GABRG3: variants seen among roughly 807,000 people sequenced by gnomAD.
GABRG3 encodes the protein gamma-aminobutyric acid type A receptor subunit gamma3, also known as gamma-aminobutyric acid receptor subunit gamma-3.
Under a neutral mutation model 48.8 loss-of-function variants are expected in GABRG3, and 25 were observed. The ratio of observed to expected loss-of-function variants is 0.51; its 90% CI spans 0.37 to 0.72. The LOEUF (loss-of-function observed/expected upper bound fraction) is 0.72. Ranked by LOEUF, GABRG3 falls within the 30% of genes least tolerant of loss-of-function variation. The probability of loss-of-function intolerance (pLI) is 0.00; values close to 1 mark genes in which losing one functional copy is unlikely to be tolerated. For missense variants in GABRG3, 394 were observed against 577.9 expected (o/e 0.68, Z 3.26); for synonymous variants, 227 against 217.6 (o/e 1.04, Z -0.38).
intron 6 of GABRG3, among the ~76,000 whole-genome samples, chr15:27,518,211 A>AAAAAAAAAAAAAAAAAAAC (rs1891071882): frequency 6.7e-6 from 1 of 148,706 alleles, no homozygotes; most frequent in African/African-American, 2.6e-5. Flanking sequence ...AAAAAAAAAA[A>AAAAAAAAAAAAAAAAAAAC]AAAAAGAATT....
chr15:27,410,845 CGTGTGTGTGTGTGTGT>C (rs61423614), intron 5 of GABRG3, among the ~76,000 whole-genome samples: 29 of 143,630 alleles, frequency 2.0e-4, no homozygotes, highest in African/African-American at 3.1e-4. Flanking sequence ...TGCGCACGCT[CGTGTGTGTGTGTGTGT>C]GTGTGTGTGT....
At chr15:27,266,341 T>A (rs1890922092) in intron 3 of GABRG3, among the ~76,000 whole-genome samples, 1 of 152,232 alleles carries the variant, frequency 6.6e-6, no homozygotes, top group Admixed American at 6.5e-5. Flanking sequence ...AAGATTATCT[T>A]CTGCATTGGT....
chr15:27,120,271 C>T (rs949312991), intron 3 of GABRG3, among the ~76,000 whole-genome samples: 1 of 152,210 alleles, frequency 6.6e-6, no homozygotes, highest in South Asian at 2.1e-4. Flanking sequence ...CATTGCTACT[C>T]ATCTCATCAC....
intron 3 of GABRG3, among the ~76,000 whole-genome samples, chr15:27,097,337 G>A (rs1488969664): frequency 6.6e-6 from 1 of 152,088 alleles, no homozygotes; most frequent in African/African-American, 2.4e-5. Context: ...TTGGGGCTTA[G>A]AAAGAGGGCC....
At chr15:27,446,746 C>A (rs1045401845) in intron 5 of GABRG3, among the ~76,000 whole-genome samples, 2 of 152,050 alleles carry the variant, frequency 1.3e-5, no homozygotes, top group African/African-American at 4.8e-5. Flanking sequence ...CAGGTGTGCT[C>A]AAGTATTACT....
intron 5 of GABRG3, among the ~76,000 whole-genome samples, chr15:27,392,816 A>G (rs533942046): frequency 6.6e-6 from 1 of 152,170 alleles, no homozygotes; most frequent in Non-Finnish European, 1.5e-5. Flanking sequence ...ATAACCCAAC[A>G]TTACTGTATT....
intron 3 of GABRG3, among the ~76,000 whole-genome samples, chr15:27,294,368 C>T (rs1327298361): frequency 6.6e-6 from 1 of 151,944 alleles, no homozygotes; most frequent in Non-Finnish European, 1.5e-5. Flanking sequence ...AGGTGTGCAC[C>T]ACCACGCCCA....
chr15:27,431,149 A>G (rs1027946456), intron 5 of GABRG3, among the ~76,000 whole-genome samples: 14 of 151,974 alleles, frequency 9.2e-5, no homozygotes, highest in Admixed American at 7.2e-4. Flanking sequence ...CTTTAGTAAG[A>G]TTTGAAATTG....
intron 3 of GABRG3, among the ~76,000 whole-genome samples, chr15:27,280,645 ATCTTTCTGTAATTACATT>A (rs1161350761): frequency 6.6e-6 from 1 of 152,124 alleles, no homozygotes; most frequent in African/African-American, 2.4e-5. Context: ...CTTTCTTGTA[ATCTTTCTGTAATTACATT>A]TCAGTTTGAA....
At chr15:27,310,894 G>C (rs1892971136) in intron 3 of GABRG3, among the ~76,000 whole-genome samples, 1 of 152,172 alleles carries the variant, frequency 6.6e-6, no homozygotes, top group Non-Finnish European at 1.5e-5. Context: ...TGAATGAATA[G>C]TGTTGGAGTA....
chr15:27,258,274 C>T (rs1438093006), intron 3 of GABRG3, among the ~76,000 whole-genome samples: 2 of 152,212 alleles, frequency 1.3e-5, no homozygotes, highest in African/African-American at 2.4e-5. Context: ...AATTTTAATG[C>T]CCAACATAAA....
intron 5 of GABRG3, among the ~76,000 whole-genome samples, chr15:27,462,756 T>G (rs902475785): frequency 6.6e-6 from 1 of 152,240 alleles, no homozygotes; most frequent in Admixed American, 6.5e-5. Context: ...TACTGTCTGC[T>G]TAATTCGGCA....
chr15:27,182,062 A>T (rs1401779935), intron 3 of GABRG3, among the ~76,000 whole-genome samples: 1 of 151,974 alleles, frequency 6.6e-6, no homozygotes, highest in East Asian at 1.9e-4. Flanking sequence ...GTTAGTAGTA[A>T]GTAGAAAGCC....
At chr15:27,116,001 G>A (rs1361607530) in intron 3 of GABRG3, among the ~76,000 whole-genome samples, 1 of 152,186 alleles carries the variant, frequency 6.6e-6, no homozygotes, top group Non-Finnish European at 1.5e-5. Flanking sequence ...GAATTTATAT[G>A]CAAGGAACAG....
At chr15:27,227,534 T>A (rs1484602484) in intron 3 of GABRG3, among the ~76,000 whole-genome samples, 3 of 152,048 alleles carry the variant, frequency 2.0e-5, no homozygotes, top group African/African-American at 2.4e-5. Context: ...ATATATTTTT[T>A]AAATTATCTG....
At chr15:27,197,467 CTAT>C (rs1243558471) in intron 3 of GABRG3, among the ~76,000 whole-genome samples, 1 of 124,860 alleles carries the variant, frequency 8.0e-6, no homozygotes, top group Non-Finnish European at 1.7e-5. Flanking sequence ...CCTTTAACGG[CTAT>C]TTTTTTTTTT....
Position 27,179,031 on chromosome 15 carries a change from CT to C in GABRG3, c.271-147777del, listed in dbSNP as rs1292041637. Among the ~76,000 whole-genome samples the C allele has an allele frequency of 1.8e-4, 27 of 152,074 alleles. No individual in the cohort carries two copies. Among genetic ancestry groups the C allele is most frequent in the African/African-American group, 6.5e-4 (27 of 41,402 alleles). ...ATGGCAGCCTCAGAGGAGAATGGGACTGAGAGGAGAGCAGGAGAAGGTCAGA... is the reference window on the plus strand; with the variant it reads ...ATGGCAGCCTCAGAGGAGAATGGGACGAGAGGAGAGCAGGAGAAGGTCAGA... On this transcript the variant is annotated intron_variant, in intron 3 of 9. Coordinates refer to ENST00000615808, the MANE Select transcript of GABRG3 (RefSeq NM_033223.5). This position sits in a 1 kb window ranked among gnomAD's most constrained non-coding sequence, Gnocchi z 4.0.
chr15:27,164,886 G>C (rs1281272603), intron 3 of GABRG3, among the ~76,000 whole-genome samples: 1 of 152,146 alleles, frequency 6.6e-6, no homozygotes, highest in African/African-American at 2.4e-5. Flanking sequence ...TATTAATACA[G>C]GTGGGCTCCT....
chr15:27,377,041 C>T lies in GABRG3; in HGVS notation c.574+48153C>T, dbSNP rs147926737. 9.9e-3 allele frequency among the ~76,000 whole-genome samples: 1,512 copies of T among 152,252 alleles called. 62 individuals are homozygous for T. Among genetic ancestry groups the T allele is most frequent in the East Asian group, 0.076 (390 of 5,158 alleles). On this transcript the variant is annotated intron_variant, in intron 5 of 9. Coordinates refer to ENST00000615808, the MANE Select transcript of GABRG3 (RefSeq NM_033223.5). ...CTTAGAAATTTCTCCACCAGATACCCTAAATAATCTCTCTCAAGTTCAAAG... is the reference window on the plus strand; with the variant it reads ...CTTAGAAATTTCTCCACCAGATACCTTAAATAATCTCTCTCAAGTTCAAAG...
Sources: allele counts gnomAD v4.1 joint callset (sites outside exome capture counted in the v4.1 genomes callset), GRCh38; gene constraint gnomAD v4.1.1; non-coding constraint Gnocchi (gnomAD v3.1); transcripts MANE v1.5; gene names NCBI Gene and HGNC (gene_info 2026-07-23, HGNC 2026-07-21).